The following CEP83 variants were observed in gnomAD, a reference collection of about 807,000 sequenced individuals.
The protein encoded by CEP83 is centrosomal protein 83.
Under a neutral mutation model 101.9 loss-of-function variants are expected in CEP83, and 70 were observed. That is an observed-to-expected ratio of 0.69 (90% CI 0.57 to 0.84). The LOEUF is 0.84. CEP83 is among the 40% of genes least tolerant of loss of function. The pLI, the probability that CEP83 is intolerant of heterozygous loss-of-function variation, is 0.00. For synonymous variants in CEP83, 264 were observed against 267.9 expected, an observed-to-expected ratio of 0.99 and a Z score of 0.14; for missense variants, 715 against 787.2, an observed-to-expected ratio of 0.91 and a Z score of 1.10.
At chr12:94,280,144 G>A in the CEP83 span, 33 of 265,838 alleles carry the variant, frequency 1.2e-4, no homozygotes, top group Middle Eastern at 1.4e-3. Flanking sequence ...TATATGCTCC[G>A]TCCTCCCTCA....
At chr12:94,341,406 A>G (rs893203771) in intron 11 of CEP83, among the ~76,000 whole-genome samples, 2 of 152,156 alleles carry the variant, frequency 1.3e-5, no homozygotes, top group African/African-American at 2.4e-5. Context: ...TAAGTCTCCA[A>G]TCTGTCACGG....
chr12:94,432,198 G>A (rs945169398), intron 2 of CEP83, among the ~76,000 whole-genome samples: 1 of 151,692 alleles, frequency 6.6e-6, no homozygotes, highest in East Asian at 1.9e-4. Context: ...GGGACTACAG[G>A]CACCCACCAC....
chr12:94,367,140 T>A (rs1042429454), intron 11 of CEP83, among the ~76,000 whole-genome samples: 1 of 151,998 alleles, frequency 6.6e-6, no homozygotes, highest in Non-Finnish European at 1.5e-5. Flanking sequence ...ATAAGAATTA[T>A]CAATGGATAC....
At chr12:94,410,877 T>C (rs1422994785) in intron 4 of CEP83, among the ~76,000 whole-genome samples, 2 of 152,210 alleles carry the variant, frequency 1.3e-5, no homozygotes, top group African/African-American at 4.8e-5. Context: ...AAAAAGTTAT[T>C]GAATGACAAA....
chr12:94,278,997 CA>C, the CEP83 span, among the ~76,000 whole-genome samples: 2 of 149,288 alleles, frequency 1.3e-5, no homozygotes, highest in Non-Finnish European at 3.0e-5. Flanking sequence ...GACTCCATCT[CA>C]AAAAAAAAAG....
At chr12:94,376,149 A>T (rs756937804) in intron 7 of CEP83, 132 bp from the exon 8 acceptor site, 29 of 511,436 alleles carry the variant, frequency 5.7e-5, no homozygotes, top group Non-Finnish European at 6.7e-5. Flanking sequence ...TACCAATGTA[A>T]CAAAAATTTT....
At chr12:94,346,090 G>A (rs1053102326) in intron 11 of CEP83, among the ~76,000 whole-genome samples, 1 of 152,020 alleles carries the variant, frequency 6.6e-6, no homozygotes, top group African/African-American at 2.4e-5. Flanking sequence ...TTGCTCTGCT[G>A]CCCAGGCTGG....
chr12:94,452,550 T>C (rs1199538752), intron 1 of CEP83, among the ~76,000 whole-genome samples: 2 of 152,112 alleles, frequency 1.3e-5, no homozygotes, highest in African/African-American at 2.4e-5. Flanking sequence ...ACATGTGAGA[T>C]AATACAATTT....
At chr12:94,305,292 T>G, downstream of CEP83, 1 of 1,570,048 alleles carries the variant, frequency 6.4e-7, no homozygotes, top group Non-Finnish European at 8.7e-7. Flanking sequence ...GTAAGCACTC[T>G]GGGGCCTGGC....
intron 4 of CEP83, among the ~76,000 whole-genome samples, chr12:94,405,512 G>A (rs1387307425): frequency 6.6e-6 from 1 of 152,134 alleles, no homozygotes; most frequent in African/African-American, 2.4e-5. Context: ...GGGTACATGG[G>A]AATGCATTAC....
chr12:94,449,474 G>A (rs951485248), intron 1 of CEP83, among the ~76,000 whole-genome samples: 6 of 151,774 alleles, frequency 4.0e-5, no homozygotes, highest in East Asian at 1.9e-4. Flanking sequence ...TATACAGCAC[G>A]GACTGGGCAT....
chr12:94,290,782 T>A, the CEP83 span, among the ~76,000 whole-genome samples: 1 of 152,184 alleles, frequency 6.6e-6, no homozygotes, highest in Non-Finnish European at 1.5e-5. Flanking sequence ...GAAGGCAAGG[T>A]CCAAATTAAT....
chr12:94,297,286 T>A, the CEP83 span: 4 of 1,612,568 alleles, frequency 2.5e-6, no homozygotes, highest in Non-Finnish European at 3.4e-6. Context: ...GTGGTCTCCT[T>A]GGGTAACGCT....
At chr12:94,332,878 C>T (rs1432800802) in intron 13 of CEP83, among the ~76,000 whole-genome samples, 1 of 151,766 alleles carries the variant, frequency 6.6e-6, no homozygotes, top group African/African-American at 2.4e-5. Context: ...TAAAAACTTA[C>T]TTACAAGGCC....
chr12:94,395,103 C>T (rs986954419), intron 6 of CEP83, among the ~76,000 whole-genome samples: 4 of 151,948 alleles, frequency 2.6e-5, no homozygotes, highest in Admixed American at 2.0e-4. Flanking sequence ...CCATTTGATC[C>T]AGCAATCCCA....
Position 94,423,724 on chromosome 12 carries a change from TG to T in CEP83, c.-101-11134del. On this transcript the variant is annotated intron_variant, in intron 2 of 16. Coordinates refer to ENST00000397809, the MANE Select transcript of CEP83 (RefSeq NM_016122.3). ...AGAATTCATTTCTACTCAGTAAAGA[TG>T]GGGAGGGGAATCCCACTGTTACTTG... 2.5e-6 allele frequency: 4 copies of T among 1,610,764 alleles called. No individual in the cohort carries two copies. In the East Asian group the frequency reaches 8.9e-5, roughly 36 times the overall value.
chr12:94,338,972 T>A (rs2059566372), intron 11 of CEP83, among the ~76,000 whole-genome samples: 1 of 151,462 alleles, frequency 6.6e-6, no homozygotes, highest in South Asian at 2.1e-4. Context: ...TTTTTTTTTT[T>A]CTTTTTTTAG....
At chr12:94,431,734 A>G (rs2065640708) in intron 2 of CEP83, among the ~76,000 whole-genome samples, 1 of 152,184 alleles carries the variant, frequency 6.6e-6, no homozygotes. Flanking sequence ...AAACCACAGC[A>G]ACATATCATC....
intron 1 of CEP83, among the ~76,000 whole-genome samples, chr12:94,448,232 T>C (rs1183496756): frequency 1.3e-5 from 2 of 152,062 alleles, no homozygotes; most frequent in Non-Finnish European, 2.9e-5. Flanking sequence ...CATTTCATAA[T>C]GAAAACAGGG....
Sources: allele counts gnomAD v4.1 joint callset (sites outside exome capture counted in the v4.1 genomes callset), GRCh38; gene constraint gnomAD v4.1.1; transcripts MANE v1.5; gene names NCBI Gene and HGNC (gene_info 2026-07-23, HGNC 2026-07-21).